Variants in ZHX3 observed in about 807,000 individuals in gnomAD.
ZHX3 encodes zinc fingers and homeoboxes protein 3.
In ZHX3, 20 loss-of-function variants were observed where a neutral mutation model predicts 64.5. The ratio of observed to expected loss-of-function variants is 0.31; its 90% CI spans 0.22 to 0.45. The LOEUF (loss-of-function observed/expected upper bound fraction) is 0.45, where lower values mean the gene tolerates loss of function less well. Ranked by LOEUF, ZHX3 falls within the 20% of genes least tolerant of loss-of-function variation. The pLI, the probability that ZHX3 is intolerant of heterozygous loss-of-function variation, is 1.00. For missense variants in ZHX3, 1,041 were observed against 1,195.8 expected, an observed-to-expected ratio of 0.87 and a Z score of 1.91; for synonymous variants, 423 against 461.6, an observed-to-expected ratio of 0.92 and a Z score of 1.07.
At chr20:41,286,773 A>AT (rs1419829134) in intron 1 of ZHX3, among the ~76,000 whole-genome samples, 2 of 152,068 alleles carry the variant, frequency 1.3e-5, no homozygotes, top group Non-Finnish European at 2.9e-5. Context: ...CTCCTCTCAA[A>AT]TTGTAATTCC....
intron 2 of ZHX3, among the ~76,000 whole-genome samples, chr20:41,242,139 T>C (rs533903161): frequency 6.6e-6 from 1 of 152,364 alleles, no homozygotes; most frequent in Non-Finnish European, 1.5e-5. Flanking sequence ...TAACAACTAC[T>C]ACTACCATCA....
Position 41,202,753 on chromosome 20 carries a change from CTT to C in ZHX3, c.2162_2163del (p.Lys721SerfsTer5). On this transcript the variant is annotated frameshift_variant, in exon 3 of 4. Coordinates refer to ENST00000683867, the MANE Select transcript of ZHX3 (RefSeq NM_001384317.1). LOFTEE classifies it high-confidence loss of function. The surrounding 1 kb of genome is among the most constrained non-coding windows in gnomAD (Gnocchi z 7.0). ...MPSSHILAER[K>X]VSPIKINLKN... ...TTCAGGTTGATTTTAATGGGGCTGA[CTT>C]TGCGCTCTGCCAAGATATGGCTGCT... The C allele has an allele frequency of 6.2e-7, 1 of 1,614,098 alleles. No homozygotes were observed. The highest frequency in any genetic ancestry group is 8.5e-7 in the Non-Finnish European group (1 of 1,180,010).
intron 3 of ZHX3, among the ~76,000 whole-genome samples, chr20:41,196,408 ATTATATATAATATATATTTATATAAAT>A (rs2037542113): frequency 1.5e-5 from 1 of 67,522 alleles, no homozygotes; most frequent in Non-Finnish European, 2.4e-5. Flanking sequence ...TATATTATAT[ATTATATATAATATATATTTATATAAAT>A]ATATATATTA....
intron 3 of ZHX3, among the ~76,000 whole-genome samples, chr20:41,198,984 T>C (rs2037998052): frequency 6.6e-6 from 1 of 152,134 alleles, no homozygotes; most frequent in Non-Finnish European, 1.5e-5. Context: ...CACTGTTCTC[T>C]TCTTTTGCAT....
In ZHX3 at chr20:41,185,276, A is replaced by G. The variant is rs994330130; in HGVS notation, c.2861-75T>C. 8.6e-6 allele frequency: 13 copies of G among 1,502,970 alleles called. No individual in the cohort carries two copies. The highest frequency in any genetic ancestry group is 2.6e-5 in the South Asian group (2 of 76,388). The allele number at this position is 1,502,970 out of a possible 1,614,324, so 93.1% of individuals were successfully genotyped here. A position where few individuals can be genotyped will look rare whatever the true frequency, so the allele number is the denominator to read the frequency against. On this transcript the variant is annotated intron_variant, in intron 3 of 3. Coordinates refer to ENST00000683867, the MANE Select transcript of ZHX3 (RefSeq NM_001384317.1). This position sits in a 1 kb window ranked among gnomAD's most constrained non-coding sequence, Gnocchi z 5.0. The stretch of plus-strand genomic sequence containing the variant: ...CCCCCCAGGCAGCCTGGTCCTTGCT[A>G]TACCAGGGTGGCATCACTGGCTTTG...
At chr20:41,238,191 T>G (rs185436643) in intron 2 of ZHX3, among the ~76,000 whole-genome samples, 17 of 152,350 alleles carry the variant, frequency 1.1e-4, no homozygotes, top group Admixed American at 3.3e-4. Flanking sequence ...CCCTTGCTAT[T>G]AAAGCACTCA....
intron 1 of ZHX3, among the ~76,000 whole-genome samples, chr20:41,308,906 A>G (rs1230771052): frequency 6.6e-6 from 1 of 152,228 alleles, no homozygotes; most frequent in Non-Finnish European, 1.5e-5. Flanking sequence ...TACCTAAAGC[A>G]CTAAGCATGC....
At chr20:41,270,028 G>A (rs1691038241) in intron 1 of ZHX3, among the ~76,000 whole-genome samples, 1 of 152,162 alleles carries the variant, frequency 6.6e-6, no homozygotes, top group Non-Finnish European at 1.5e-5. Context: ...TTACAATGAT[G>A]CTATGAGGTT....
intron 2 of ZHX3, among the ~76,000 whole-genome samples, chr20:41,265,083 T>C (rs538028686): frequency 7.3e-5 from 11 of 151,436 alleles, no homozygotes; most frequent in Non-Finnish European, 1.3e-4. Flanking sequence ...AAAAGCAACA[T>C]AAAAATGAAG....
rs770428811 is a variant in ZHX3 at position 41,185,111 on chromosome 20, A to G, written c.*80T>C. The stretch of plus-strand genomic sequence containing the variant: ...GCCGGGCATGGGAACGGCATGTGGC[A>G]GCAGAGAGTCGGGTTTGGCTCTTCC... On this transcript the variant is annotated 3_prime_UTR_variant, in exon 4 of 4. Transcript: ENST00000683867. This position sits in a 1 kb window ranked among gnomAD's most constrained non-coding sequence, Gnocchi z 5.0. The G allele has an allele frequency of 1.9e-6, 3 of 1,580,806 alleles. No homozygotes were observed. Among genetic ancestry groups the G allele is most frequent in the East Asian group, 4.6e-5 (2 of 43,812 alleles).
intron 1 of ZHX3, among the ~76,000 whole-genome samples, chr20:41,296,941 T>G (rs2044561092): frequency 6.6e-6 from 1 of 152,212 alleles, no homozygotes; most frequent in Non-Finnish European, 1.5e-5. Flanking sequence ...CATTTGTCTC[T>G]TTGGAGCTAG....
At chr20:41,276,034 A>T (rs2043361409) in intron 1 of ZHX3, among the ~76,000 whole-genome samples, 1 of 152,212 alleles carries the variant, frequency 6.6e-6, no homozygotes, top group African/African-American at 2.4e-5. Flanking sequence ...GGCATAGAGG[A>T]AAATGAACTC....
Position 41,195,590 on chromosome 20 carries a change from A to AT in ZHX3, c.2860+6466dup, listed in dbSNP as rs2037417749. 6.6e-6 allele frequency among the ~76,000 whole-genome samples: 1 copy of AT among 151,704 alleles called. No individual in the cohort carries two copies. On this transcript the variant is annotated intron_variant, in intron 3 of 3. Coordinates refer to ENST00000683867, the MANE Select transcript of ZHX3 (RefSeq NM_001384317.1). The surrounding 1 kb of genome is among the most constrained non-coding windows in gnomAD (Gnocchi z 4.2). ...GCCACCATGTCCACCTAATTTTTGT[A>AT]TTTTTAGTAGAGACAGGGTTTCACT...
Position 41,202,648 on chromosome 20 carries a change from T to C in ZHX3, c.2269A>G (p.Asn757Asp), listed in dbSNP as rs144393825. ...GACDPEDDESNKLAEQLPGKV... is the reference protein window; with the variant it reads ...GACDPEDDESDKLAEQLPGKV... ...CCTGGGAGCTGCTCTGCCAGTTTGTTTGACTCATCATCCTCAGGGTCACAG... is the reference window on the plus strand; with the variant it reads ...CCTGGGAGCTGCTCTGCCAGTTTGTCTGACTCATCATCCTCAGGGTCACAG... Residue 757 changes from asparagine to aspartate, a missense_variant, in exon 3 of 4, where the codon AAC becomes GAC. This residue lies in a region of ZHX3 where 649 missense variants were observed against 739.8 expected (regional missense o/e 0.88). Coordinates refer to ENST00000683867, the MANE Select transcript of ZHX3 (RefSeq NM_001384317.1). This position sits in a 1 kb window ranked among gnomAD's most constrained non-coding sequence, Gnocchi z 7.0. The C allele has an allele frequency of 7.4e-6, 12 of 1,613,868 alleles. No homozygotes were observed. The African/African-American group carries it at 1.6e-4, about 22-fold the overall frequency.
chr20:41,275,590 G>T (rs1171204404), intron 1 of ZHX3, among the ~76,000 whole-genome samples: 1 of 152,228 alleles, frequency 6.6e-6, no homozygotes, highest in Non-Finnish European at 1.5e-5. Context: ...CTGATGCCAA[G>T]CAATCAGCAC....
rs1275849029 is a variant in ZHX3 at position 41,180,722 on chromosome 20, C to G, written c.*4469G>C. The G allele has an allele frequency of 6.6e-6, 1 of 152,288 alleles. No homozygotes were observed. The highest frequency in any genetic ancestry group is 1.5e-5 in the Non-Finnish European group (1 of 68,094). The allele number at this position is 152,288 out of a possible 1,614,324, so 9.4% of individuals were successfully genotyped here. On this transcript the variant is annotated 3_prime_UTR_variant, in exon 4 of 4. Coordinates refer to ENST00000683867, the MANE Select transcript of ZHX3 (RefSeq NM_001384317.1). ...CCACCCCTCCTGGTGTGACCTGGCACTGGGAACACACAGATTGCAGCAGAA... is the reference window on the plus strand; with the variant it reads ...CCACCCCTCCTGGTGTGACCTGGCAGTGGGAACACACAGATTGCAGCAGAA...
intron 2 of ZHX3, among the ~76,000 whole-genome samples, chr20:41,218,547 T>C (rs1352537504): frequency 2.0e-5 from 3 of 152,230 alleles, no homozygotes; most frequent in African/African-American, 7.2e-5. Context: ...GGGTCTGTAT[T>C]GCTTACTCTT....
rs1408331561 is a variant in ZHX3 at position 41,203,317 on chromosome 20, T to C, written c.1600A>G (p.Ser534Gly). ...VEHLTKVTGL[S>G]TREVRKWFSD... is the part of the protein sequence containing the mutation. ...AACCATTTCCGCACCTCTCTGGTACTGAGGCCCGTCACTTTTGTGAGATGT... is the reference window on the plus strand; with the variant it reads ...AACCATTTCCGCACCTCTCTGGTACCGAGGCCCGTCACTTTTGTGAGATGT... The change falls in exon 3 of 4, where the codon AGT (serine) becomes GGT (glycine). Residue 534 changes from serine to glycine, a missense_variant. This residue lies in a region of ZHX3 where 649 missense variants were observed against 739.8 expected (regional missense o/e 0.88). Coordinates refer to ENST00000683867, the MANE Select transcript of ZHX3 (RefSeq NM_001384317.1). The surrounding 1 kb of genome is among the most constrained non-coding windows in gnomAD (Gnocchi z 7.1). 1 of 1,614,236 alleles carries C rather than the reference T, an allele frequency of 6.2e-7. No homozygotes were observed. Among genetic ancestry groups the C allele is most frequent in the South Asian group, 1.1e-5 (1 of 91,088 alleles).
chr20:41,255,493 A>C (rs943964015), intron 2 of ZHX3, among the ~76,000 whole-genome samples: 3 of 152,190 alleles, frequency 2.0e-5, no homozygotes, highest in Non-Finnish European at 4.4e-5. Flanking sequence ...CGTAGAGCTA[A>C]GTCTTACAAA....
Sources: gnomAD v4.1 joint callset for allele counts (sites outside exome capture counted in the v4.1 genomes callset) on GRCh38, gnomAD v4.1.1 for gene constraint, gnomAD v4.1.1 regional missense constraint, Gnocchi (gnomAD v3.1) non-coding constraint, MANE v1.5 for transcripts, NCBI Gene and HGNC (gene_info 2026-07-23, HGNC 2026-07-21) for gene names.